ZFHX3: variants seen among roughly 807,000 people sequenced by gnomAD.
ZFHX3 encodes zinc finger homeobox 3.
Under a neutral mutation model 279.1 loss-of-function variants are expected in ZFHX3, and 42 were observed. The ratio of observed to expected loss-of-function variants is 0.15; its 90% CI spans 0.12 to 0.19. The LOEUF (loss-of-function observed/expected upper bound fraction) is 0.19. ZFHX3 is among the 10% of genes least tolerant of loss of function. The pLI is 1.00. For synonymous variants in ZFHX3, 2,293 were observed against 1,957.8 expected (o/e 1.17, Z -4.52); for missense variants, 4,981 against 4,754.0 (o/e 1.05, Z -1.40).
At chr16:73,123,627 ATTG>A (rs1052540289) in intron 7 of ZFHX3, 23 of 151,834 alleles carry the variant, frequency 1.5e-4, no homozygotes, top group African/African-American at 5.3e-4. Context: ...CTAATTAACA[ATTG>A]TTGTTTTAAG....
At chr16:73,388,904 G>A (rs1385485009) in intron 3 of ZFHX3, 2 of 152,212 alleles carry the variant, frequency 1.3e-5, no homozygotes, top group Non-Finnish European at 2.9e-5. Context: ...CTCTGGGGCT[G>A]GCGTCTTTAC....
At chr16:73,835,974 C>T (rs1039230990) in intron 1 of ZFHX3, among the ~76,000 whole-genome samples, 2 of 151,850 alleles carry the variant, frequency 1.3e-5, no homozygotes, top group Non-Finnish European at 2.9e-5. Flanking sequence ...AAAATGGGCT[C>T]ATGGAAATGA....
chr16:73,656,997 T>C (rs1448460469), intron 2 of ZFHX3, among the ~76,000 whole-genome samples: 2 of 152,242 alleles, frequency 1.3e-5, no homozygotes, highest in Non-Finnish European at 2.9e-5. Flanking sequence ...GAAATTCCAC[T>C]CTTGCCAAAA....
chr16:73,606,718 T>C (rs772716377), intron 2 of ZFHX3, among the ~76,000 whole-genome samples: 5 of 152,200 alleles, frequency 3.3e-5, no homozygotes, highest in Non-Finnish European at 7.3e-5. Context: ...TTTTACCTAA[T>C]GCTCTCCCGC....
chr16:73,392,457 A>G (rs72799443), intron 3 of ZFHX3, among the ~76,000 whole-genome samples: 24,182 of 144,636 alleles, frequency 0.17, 2,265 homozygotes, highest in South Asian at 0.33. Context: ...TGAAAAAGAG[A>G]AATAGCAACA....
At chr16:73,192,534 C>T (rs1352026688) in intron 5 of ZFHX3, among the ~76,000 whole-genome samples, 1 of 152,148 alleles carries the variant, frequency 6.6e-6, no homozygotes, top group Non-Finnish European at 1.5e-5. Context: ...GAAATGGAGT[C>T]TTTGTTTCTA....
intron 1 of ZFHX3, among the ~76,000 whole-genome samples, chr16:73,721,285 C>G (rs574437498): frequency 2.6e-5 from 4 of 152,218 alleles, no homozygotes; most frequent in African/African-American, 9.6e-5. Context: ...CCACACCCAG[C>G]TAATTTTTGT....
At chr16:73,869,801 C>T (rs1440141650) in intron 1 of ZFHX3, among the ~76,000 whole-genome samples, 2 of 152,170 alleles carry the variant, frequency 1.3e-5, no homozygotes, top group African/African-American at 2.4e-5. Flanking sequence ...AATGTTTAAC[C>T]GGGCTTCCTG....
chr16:73,139,914 A>G (rs1271388311), intron 6 of ZFHX3, among the ~76,000 whole-genome samples: 1 of 152,184 alleles, frequency 6.6e-6, no homozygotes, highest in Non-Finnish European at 1.5e-5. Context: ...AGACTAGCGT[A>G]CTGGTTCTCA....
Position 72,817,733 on chromosome 16 carries a change from G to T in ZFHX3, c.3530-5695C>A, listed in dbSNP as rs559776447. Among the ~76,000 whole-genome samples, 12 of 152,292 alleles carry T rather than the reference G, an allele frequency of 7.9e-5. No homozygotes were observed. The South Asian group carries it at 2.5e-3, about 32-fold the overall frequency. On this transcript the variant is annotated intron_variant, in intron 5 of 9. Transcript: ENST00000268489. The stretch of plus-strand genomic sequence containing the variant: ...TCTTCATGGTGGAGTGACTCCTGGA[G>T]GTGGTAATCACCGAAGTGCTGATCC...
chr16:73,168,215 C>CTTTA lies in ZFHX3; in HGVS notation c.-1103-24385_-1103-24384insTAAA, dbSNP rs1028317799. On this transcript the variant is annotated intron_variant, in intron 5 of 17. Transcript: ENST00000641206. ...TTAACACTATAGTTTCTTTTGTTTT[C>CTTTA]TTTCTTTCTTTCTTTCTTTCTTTCT... 5.4e-5 allele frequency among the ~76,000 whole-genome samples: 5 copies of CTTTA among 92,504 alleles called. No homozygotes were observed. In the East Asian group the frequency reaches 1.5e-3, roughly 27 times the overall value. 60.7% of individuals were successfully genotyped at this position (92,504 alleles called of 152,430 possible). A position where few individuals can be genotyped will look rare whatever the true frequency, so the allele number is the denominator to read the frequency against.
intron 2 of ZFHX3, among the ~76,000 whole-genome samples, chr16:73,501,934 G>C (rs1359096434): frequency 6.6e-6 from 1 of 152,024 alleles, no homozygotes; most frequent in Non-Finnish European, 1.5e-5. Flanking sequence ...GGAAAGGTTT[G>C]GTTAATGTTA....
At chr16:73,799,916 C>G (rs966791150) in intron 1 of ZFHX3, among the ~76,000 whole-genome samples, 6 of 151,930 alleles carry the variant, frequency 3.9e-5, no homozygotes, top group African/African-American at 1.5e-4. Flanking sequence ...CGACTTAAGG[C>G]CAGGTGTAGT....
rs371472215 is a variant in ZFHX3, at chr16:73,298,287, C to T, written c.-1194+19953G>A. The stretch of plus-strand genomic sequence containing the variant: ...AACCTCCGCCCCTCCCAGGTTCAAG[C>T]GATTCTCCTGCCTCAGCCTCCCGAG... On this transcript the variant is annotated intron_variant, in intron 4 of 17. Transcript: ENST00000641206. Among the ~76,000 whole-genome samples the T allele has an allele frequency of 9.9e-5, 15 of 151,282 alleles. No homozygotes were observed. The East Asian group carries it at 2.5e-3, about 25-fold the overall frequency.
At chr16:72,810,887 T>C (rs905184865) in intron 7 of ZFHX3, among the ~76,000 whole-genome samples, 1 of 152,142 alleles carries the variant, frequency 6.6e-6, no homozygotes, top group African/African-American at 2.4e-5. Flanking sequence ...TTTTTTTCTT[T>C]CTTTTTTTAA....
At chr16:73,229,020 T>A (rs907578330) in intron 5 of ZFHX3, among the ~76,000 whole-genome samples, 4 of 152,192 alleles carry the variant, frequency 2.6e-5, no homozygotes, top group Admixed American at 6.5e-5. Flanking sequence ...CTCAATATAC[T>A]CAATATGTTC....
chr16:72,990,098 C>G (rs1481581475), intron 1 of ZFHX3, among the ~76,000 whole-genome samples: 1 of 152,048 alleles, frequency 6.6e-6, no homozygotes, highest in African/African-American at 2.4e-5. Context: ...AATCAAAAAG[C>G]GCTAAGTCCT....
At chr16:72,803,304 C>A (rs1221663678) in intron 7 of ZFHX3, among the ~76,000 whole-genome samples, 2 of 152,132 alleles carry the variant, frequency 1.3e-5, no homozygotes, top group Admixed American at 1.3e-4. Context: ...TGCACTCCAG[C>A]CTGGGCGACA....
intron 1 of ZFHX3, among the ~76,000 whole-genome samples, chr16:73,800,307 T>G (rs1039619557): frequency 1.3e-5 from 2 of 151,846 alleles, no homozygotes; most frequent in East Asian, 1.9e-4. Flanking sequence ...AACTTCCACC[T>G]CCCAGGTTCA....
Sources: allele counts gnomAD v4.1 joint callset (sites outside exome capture counted in the v4.1 genomes callset), GRCh38; gene constraint gnomAD v4.1.1; transcripts MANE v1.5; gene names NCBI Gene and HGNC (gene_info 2026-07-23, HGNC 2026-07-21).